Variants in PHF12 observed in about 807,000 individuals in gnomAD.
The protein encoded by PHF12 is PHD factor 1.
A neutral mutation model predicts 99.8 loss-of-function variants in PHF12; 6 were observed. That is an observed-to-expected ratio of 0.06 (90% CI 0.03 to 0.12). The LOEUF (loss-of-function observed/expected upper bound fraction) is 0.12. Among genes scored for constraint, PHF12 ranks in the 10% least tolerant of loss-of-function variants. The pLI, the probability that PHF12 is intolerant of heterozygous loss-of-function variation, is 1.00. For synonymous variants in PHF12, 480 were observed against 514.9 expected (o/e 0.93, Z 0.92); for missense variants, 954 against 1,300.1 (o/e 0.73, Z 4.09).
intron 2 of PHF12, among the ~76,000 whole-genome samples, chr17:28,946,345 A>T (rs2040722637): frequency 6.6e-6 from 1 of 152,252 alleles, no homozygotes; most frequent in Non-Finnish European, 1.5e-5. Context: ...ATTCCAGAGA[A>T]TCATTACAGA....
chr17:28,910,476 A>G (rs372465592), intron 10 of PHF12, 107 bp from the exon 11 acceptor site: 8 of 1,339,728 alleles, frequency 6.0e-6, no homozygotes, highest in Non-Finnish European at 8.1e-6. Context: ...AATCCAGCCA[A>G]GTGATTTTTA....
chr17:28,912,472 C>G lies in PHF12; in HGVS notation c.2089+10G>C, dbSNP rs1400635154. On this transcript the variant is annotated intron_variant, in intron 9 of 14. Coordinates refer to ENST00000332830, the MANE Select transcript of PHF12 (RefSeq NM_001033561.2). ...TATTCCAAATCAACCCAAGGCTGAG[C>G]AGCACTCACCTGACGATGGCGCTGG... 6.3e-7 allele frequency: 1 copy of G among 1,575,554 alleles called. No individual in the cohort carries two copies. The highest frequency in any genetic ancestry group is 8.6e-7 in the Non-Finnish European group (1 of 1,158,092).
At chr17:28,908,988 G>T in intron 11 of PHF12, 107 bp from the exon 12 acceptor site, 1 of 1,014,990 alleles carries the variant, frequency 9.9e-7, no homozygotes, top group Non-Finnish European at 1.5e-6. Flanking sequence ...AGAAAATCCC[G>T]CTGGATGACT....
Position 28,906,932 on chromosome 17 carries a change from C to T in PHF12, c.2604G>A (p.Leu868=). ...SEHGTTVDNV[L]YSCDFSEKTP... ...TCTTCTCCGAGAAGTCACATGAATA[C>T]AGCACATTGTCCACCGTTGTCCCAT... The change falls in exon 14 of 15, where the codon CTG becomes CTA. Residue 868 remains leucine (L), a synonymous_variant. Coordinates refer to ENST00000332830, the MANE Select transcript of PHF12 (RefSeq NM_001033561.2). The surrounding 1 kb of genome is among the most constrained non-coding windows in gnomAD (Gnocchi z 4.2). 6.2e-7 allele frequency: 1 copy of T among 1,613,526 alleles called. No homozygotes were observed.
chr17:28,917,229 T>C, intron 7 of PHF12, 56 bp downstream of exon 7: 1 of 1,610,190 alleles, frequency 6.2e-7, no homozygotes, highest in South Asian at 1.1e-5. Flanking sequence ...TGATCCTCTG[T>C]CTAACCCATG....
At chr17:28,946,987 T>G (rs576663519) in intron 2 of PHF12, among the ~76,000 whole-genome samples, 1 of 152,216 alleles carries the variant, frequency 6.6e-6, no homozygotes, top group African/African-American at 2.4e-5. Flanking sequence ...TAGGACAATT[T>G]TTTTTTTTTC....
rs2152653944 is a variant in PHF12 at position 28,905,646 on chromosome 17, G to C, written c.*537C>G. On this transcript the variant is annotated 3_prime_UTR_variant, in exon 15 of 15. Transcript: ENST00000332830. ...ATAATACACAGTAGCTACCTGTAGTGCAACCGCTGCAGAAAGGGAAAATAA... is the reference window on the plus strand; with the variant it reads ...ATAATACACAGTAGCTACCTGTAGTCCAACCGCTGCAGAAAGGGAAAATAA... 6.5e-6 allele frequency: 1 copy of C among 152,860 alleles called. No individual in the cohort carries two copies. The highest frequency in any genetic ancestry group is 2.4e-5 in the African/African-American group (1 of 41,566). 9.5% of individuals were successfully genotyped at this position (152,860 alleles called of 1,614,324 possible).
chr17:28,911,799 G>GT (rs1747078202), intron 9 of PHF12, among the ~76,000 whole-genome samples: 1 of 152,150 alleles, frequency 6.6e-6, no homozygotes, highest in South Asian at 2.1e-4. Flanking sequence ...CTGAAACCTG[G>GT]TTCAGATGCT....
intron 6 of PHF12, among the ~76,000 whole-genome samples, chr17:28,918,048 G>C (rs1040296298): frequency 2.0e-5 from 3 of 152,184 alleles, no homozygotes; most frequent in Non-Finnish European, 4.4e-5. Flanking sequence ...GAAGCCAAAA[G>C]GAGAAAAGAA....
intron 7 of PHF12, 39 bp from the exon 8 acceptor site, chr17:28,914,076 A>G: frequency 6.4e-7 from 1 of 1,557,014 alleles, no homozygotes; most frequent in African/African-American, 1.3e-5. Context: ...AGAGGGAGAT[A>G]GTTCCAACAT....
intron 2 of PHF12, among the ~76,000 whole-genome samples, chr17:28,935,901 C>A (rs2040500313): frequency 6.6e-6 from 1 of 152,214 alleles, no homozygotes. Flanking sequence ...AAACCACAAA[C>A]ATACATCCCT....
Position 28,951,509 on chromosome 17 carries a change from G to C in PHF12, c.-549C>G. The stretch of plus-strand genomic sequence containing the variant: ...CCACCCGCGCAGGCGCCCCGGGATC[G>C]GCGCTCGCCGCGCGCAACCGCAGTG... On this transcript the variant is annotated 5_prime_UTR_variant, in exon 1 of 15. Transcript: ENST00000332830. 2.0e-6 allele frequency: 2 copies of C among 980,716 alleles called. No individual in the cohort carries two copies. The highest frequency in any genetic ancestry group is 2.4e-6 in the Non-Finnish European group (2 of 828,470). 60.8% of individuals were successfully genotyped at this position (980,716 alleles called of 1,614,324 possible). A position where few individuals can be genotyped will look rare whatever the true frequency, so the allele number is the denominator to read the frequency against.
chr17:28,948,784 A>C (rs540494957), intron 2 of PHF12, among the ~76,000 whole-genome samples: 1 of 152,310 alleles, frequency 6.6e-6, no homozygotes, highest in Non-Finnish European at 1.5e-5. Flanking sequence ...AAAAGGCAAC[A>C]TCAAACAACT....
intron 3 of PHF12, chr17:28,924,545 C>T (rs1393399127): frequency 5.2e-6 from 3 of 577,560 alleles, no homozygotes; most frequent in Non-Finnish European, 9.2e-6. Context: ...AATAACTATA[C>T]AAAATATATA....
At position 28,949,953 on chromosome 17, in the gene PHF12, GTCAGCTAGC is replaced by G; in HGVS notation, c.248+103_248+111del. ...GTGCTCGCCCCGGCAGCTGCAGAAA[GTCAGCTAGC>G]GGCTGCAAGCGCCCGTTATTTCGGC... On this transcript the variant is annotated intron_variant, in intron 2 of 14. Transcript: ENST00000332830. This position sits in a 1 kb window ranked among gnomAD's most constrained non-coding sequence, Gnocchi z 4.6. The G allele has an allele frequency of 7.8e-7, 1 of 1,276,712 alleles. No individual in the cohort carries two copies. Among genetic ancestry groups the G allele is most frequent in the Non-Finnish European group, 1.1e-6 (1 of 933,584 alleles). 79.1% of individuals were successfully genotyped at this position (1,276,712 alleles called of 1,614,324 possible).
chr17:28,908,718 G>A (rs541158904), intron 12 of PHF12, 65 bp downstream of exon 12: 2 of 1,519,048 alleles, frequency 1.3e-6, no homozygotes, highest in East Asian at 4.5e-5. Context: ...ACTTCTGTGG[G>A]TAAGGGTGTC....
chr17:28,947,138 C>T (rs2040735288), intron 2 of PHF12, among the ~76,000 whole-genome samples: 1 of 151,780 alleles, frequency 6.6e-6, no homozygotes, highest in Admixed American at 6.6e-5. Context: ...CTCGTGCCAC[C>T]ACACCCGGCT....
At chr17:28,911,516 C>A in intron 9 of PHF12, 1 of 395,802 alleles carries the variant, frequency 2.5e-6, no homozygotes, top group Non-Finnish European at 4.6e-6. Context: ...TTCTTTGGGC[C>A]ATGACCACCT....
chr17:28,951,028 AGG>A lies in PHF12; in HGVS notation c.-70_-69del. ...CAACCCCGGGGGGAGGGGGGAGGTGAGGGGAGGGGGCGCTCCTGACCCCGGCC... is the reference window on the plus strand; with the variant it reads ...CAACCCCGGGGGGAGGGGGGAGGTGAGGAGGGGGCGCTCCTGACCCCGGCC... On this transcript the variant is annotated 5_prime_UTR_variant, in exon 1 of 15. Transcript: ENST00000332830. The A allele has an allele frequency of 6.2e-7, 1 of 1,606,770 alleles. No individual in the cohort carries two copies. The highest frequency in any genetic ancestry group is 8.5e-7 in the Non-Finnish European group (1 of 1,176,334).
Sources: gnomAD v4.1 joint callset for allele counts (sites outside exome capture counted in the v4.1 genomes callset) on GRCh38, gnomAD v4.1.1 for gene constraint, Gnocchi (gnomAD v3.1) non-coding constraint, MANE v1.5 for transcripts, NCBI Gene and HGNC (gene_info 2026-07-23, HGNC 2026-07-21) for gene names.